The following SDK1 variants were observed in gnomAD, a reference collection of about 807,000 sequenced individuals.
SDK1 encodes sidekick cell adhesion molecule 1.
A neutral mutation model predicts 245.5 loss-of-function variants in SDK1; 157 were observed. The ratio of observed to expected loss-of-function variants is 0.64; its 90% CI spans 0.56 to 0.73. The LOEUF (loss-of-function observed/expected upper bound fraction) is 0.73. Ranked by LOEUF, SDK1 falls within the 30% of genes least tolerant of loss-of-function variation. SDK1 has a pLI of 0.00. For synonymous variants in SDK1, 1,647 were observed against 1,278.5 expected (o/e 1.29, Z -6.15); for missense variants, 3,583 against 3,002.3 (o/e 1.19, Z -4.52).
intron 1 of SDK1, 84 bp downstream of exon 1, chr7:3,301,968 T>TC: frequency 2.0e-6 from 2 of 977,252 alleles, no homozygotes; most frequent in Non-Finnish European, 1.2e-6. Context: ...GTGTCCGGGG[T>TC]CCCCCCGCTT....
chr7:4,066,300 G>C (rs1267374974), intron 19 of SDK1, among the ~76,000 whole-genome samples: 1 of 152,194 alleles, frequency 6.6e-6, no homozygotes, highest in Non-Finnish European at 1.5e-5. Context: ...AGGCGGGGAA[G>C]CAGGGCCAAC....
At chr7:3,655,401 C>G (rs572465944) in intron 4 of SDK1, among the ~76,000 whole-genome samples, 1 of 142,228 alleles carries the variant, frequency 7.0e-6, no homozygotes, top group African/African-American at 2.6e-5. Flanking sequence ...GCATTGCTCT[C>G]CAGCCTGGGC....
At chr7:3,997,518 C>T (rs1351848830) in intron 14 of SDK1, among the ~76,000 whole-genome samples, 3 of 151,920 alleles carry the variant, frequency 2.0e-5, no homozygotes, top group Non-Finnish European at 4.4e-5. Context: ...CTGGTCGTCC[C>T]AGCATCTGCA....
intron 1 of SDK1, among the ~76,000 whole-genome samples, chr7:3,564,788 G>T (rs1456940771): frequency 6.6e-6 from 1 of 152,002 alleles, no homozygotes; most frequent in Non-Finnish European, 1.5e-5. Context: ...TTAGAAAGTT[G>T]GTTCTTTTAT....
chr7:4,090,831 T>C (rs1420671239), intron 22 of SDK1, among the ~76,000 whole-genome samples: 2 of 152,186 alleles, frequency 1.3e-5, no homozygotes, highest in Non-Finnish European at 2.9e-5. Flanking sequence ...CCACACATAC[T>C]GAAAAGCATT....
intron 5 of SDK1, among the ~76,000 whole-genome samples, chr7:3,907,188 C>T (rs1194680096): frequency 1.3e-5 from 2 of 152,118 alleles, no homozygotes; most frequent in Non-Finnish European, 2.9e-5. Flanking sequence ...AACTTAGTAG[C>T]ATTAATTACA....
At chr7:3,984,478 C>A (rs952173434) in intron 13 of SDK1, among the ~76,000 whole-genome samples, 3 of 152,194 alleles carry the variant, frequency 2.0e-5, no homozygotes, top group African/African-American at 7.2e-5. Context: ...TCAAACATAA[C>A]CCCCTTGAGG....
chr7:3,622,908 C>T (rs1362265620), intron 2 of SDK1, among the ~76,000 whole-genome samples: 3 of 150,656 alleles, frequency 2.0e-5, no homozygotes, highest in Non-Finnish European at 3.0e-5. Flanking sequence ...TTTTTTTTTT[C>T]CCCATGATAT....
At chr7:3,407,066 GCT>G (rs1779073636) in intron 1 of SDK1, among the ~76,000 whole-genome samples, 1 of 152,140 alleles carries the variant, frequency 6.6e-6, no homozygotes, top group South Asian at 2.1e-4. Flanking sequence ...ACCCAGAATT[GCT>G]CTGTCTCTCC....
chr7:3,562,157 T>G (rs948788798), intron 1 of SDK1, among the ~76,000 whole-genome samples: 1 of 152,206 alleles, frequency 6.6e-6, no homozygotes, highest in Non-Finnish European at 1.5e-5. Flanking sequence ...TTTCGGAAAC[T>G]GCATAGCACC....
intron 1 of SDK1, among the ~76,000 whole-genome samples, chr7:3,603,199 T>A (rs1781306456): frequency 1.4e-5 from 2 of 138,386 alleles, no homozygotes; most frequent in South Asian, 5.6e-4. Context: ...TTTAAAGTAG[T>A]TTTTTCCAAT....
At chr7:3,654,069 T>A (rs1001137279) in intron 4 of SDK1, among the ~76,000 whole-genome samples, 4 of 152,174 alleles carry the variant, frequency 2.6e-5, no homozygotes, top group Non-Finnish European at 5.9e-5. Flanking sequence ...TGCACGTAGC[T>A]GTCTCTGTAA....
chr7:4,146,063 T>TGTCAGGTGCAATGGG, intron 29 of SDK1, 147 bp downstream of exon 29: 1 of 667,494 alleles, frequency 1.5e-6, no homozygotes, highest in Non-Finnish European at 2.6e-6. Flanking sequence ...AAAGCACCCA[T>TGTCAGGTGCAATGGG]TGCACCTGAC....
chr7:3,329,512 C>T (rs1262826285), intron 1 of SDK1, among the ~76,000 whole-genome samples: 1 of 152,172 alleles, frequency 6.6e-6, no homozygotes, highest in African/African-American at 2.4e-5. Context: ...CCTCACCCTT[C>T]TTAGCTATAA....
intron 5 of SDK1, among the ~76,000 whole-genome samples, chr7:3,937,525 C>T (rs1357200883): frequency 6.6e-6 from 1 of 152,180 alleles, no homozygotes; most frequent in Non-Finnish European, 1.5e-5. Flanking sequence ...AAAACAAAAT[C>T]GCAGGTCCGT....
intron 28 of SDK1, among the ~76,000 whole-genome samples, chr7:4,136,375 C>T (rs1360164325): frequency 6.6e-6 from 1 of 152,216 alleles, no homozygotes; most frequent in Non-Finnish European, 1.5e-5. Flanking sequence ...ACTCACTTTA[C>T]ATCCAGAGAC....
intron 23 of SDK1, among the ~76,000 whole-genome samples, chr7:4,112,829 A>C (rs995317359): frequency 6.6e-5 from 10 of 151,550 alleles, no homozygotes; most frequent in African/African-American, 2.4e-4. Flanking sequence ...ATCTCAGCTC[A>C]TGCAACCTCT....
chr7:3,398,306 G>A (rs1186493307), intron 1 of SDK1, among the ~76,000 whole-genome samples: 3 of 152,138 alleles, frequency 2.0e-5, no homozygotes, highest in Non-Finnish European at 2.9e-5. Context: ...CCCTGTTGAT[G>A]TAGTGATAAG....
intron 4 of SDK1, among the ~76,000 whole-genome samples, chr7:3,735,517 G>A (rs1294752298): frequency 6.6e-6 from 1 of 152,168 alleles, no homozygotes; most frequent in African/African-American, 2.4e-5. Context: ...TAAGACTGAA[G>A]AATATTTCAC....
Sources: allele counts gnomAD v4.1 joint callset (sites outside exome capture counted in the v4.1 genomes callset), GRCh38; gene constraint gnomAD v4.1.1; transcripts MANE v1.5; gene names NCBI Gene and HGNC (gene_info 2026-07-23, HGNC 2026-07-21).